NPHP4: variants seen among roughly 807,000 people sequenced by gnomAD.
NPHP4 encodes nephrocystin-4.
Under a neutral mutation model 155.8 loss-of-function variants are expected in NPHP4, and 151 were observed. That is an observed-to-expected ratio of 0.97 (90% confidence interval 0.85 to 1.11). The LOEUF is 1.11. Among genes scored for constraint, NPHP4 ranks in the 50% least tolerant of loss-of-function variants. NPHP4 has a pLI of 0.00. For synonymous variants in NPHP4, 845 were observed against 816.8 expected, an observed-to-expected ratio of 1.03 and a Z score of -0.59; for missense variants, 1,956 against 1,925.7, an observed-to-expected ratio of 1.02 and a Z score of -0.29.
intron 1 of NPHP4, 84 bp downstream of exon 1, chr1:5,992,160 T>A (rs1656489288): frequency 6.6e-6 from 1 of 151,974 alleles, no homozygotes; most frequent in South Asian, 2.1e-4. Context: ...TGGCCAACAC[T>A]GAGGCCCCCT....
rs766759222 is a variant in NPHP4, at chr1:5,867,956, CCCT to C, written c.3316-63_3316-61del. 28 of 1,575,500 alleles carry C rather than the reference CCCT, an allele frequency of 1.8e-5. No individual in the cohort carries two copies. Among genetic ancestry groups the C allele is most frequent in the South Asian group, 3.3e-5 (3 of 90,090 alleles). On this transcript the variant is annotated intron_variant, in intron 23 of 29. Coordinates refer to ENST00000378156, the MANE Select transcript of NPHP4 (RefSeq NM_015102.5). This position sits in a 1 kb window ranked among gnomAD's most constrained non-coding sequence, Gnocchi z 4.1. ...ACGAGGCTTGTGAGCAGCTTCTTGT[CCCT>C]CCTTAGACAGCACACGTATCTCCAC...
intron 11 of NPHP4, among the ~76,000 whole-genome samples, chr1:5,926,792 C>T (rs1291441849): frequency 6.6e-6 from 1 of 152,192 alleles, no homozygotes; most frequent in East Asian, 1.9e-4. Context: ...CCGGGCATCA[C>T]CAGCTGGAGC....
rs113445782 is a variant in NPHP4, at chr1:5,867,109, G to A, written c.3479C>T (p.Pro1160Leu). 0.014 allele frequency: 22,603 copies of A among 1,610,202 alleles called. 206 individuals carry two copies. The highest frequency in any genetic ancestry group is 0.016 in the Non-Finnish European group (19,157 of 1,178,098). ...GGGGTCCTCACCAAGCATTCCCACCGGAGCACCTGGAGCAGGGGAAATGTC... is the reference window on the plus strand; with the variant it reads ...GGGGTCCTCACCAAGCATTCCCACCAGAGCACCTGGAGCAGGGGAAATGTC... ...LPPWHTFPGA[P>L]VGMLGEDPPV... The change falls in exon 25 of 30, where the codon CCG becomes CTG. Residue 1160 changes from proline (P) to leucine (L), a missense_variant. Pro to Leu is a moderately conservative substitution (Grantham distance 98). Coordinates refer to ENST00000378156, the MANE Select transcript of NPHP4 (RefSeq NM_015102.5). The surrounding 1 kb of genome is among the most constrained non-coding windows in gnomAD (Gnocchi z 4.1).
rs747465331 is a variant in NPHP4, at chr1:5,893,648, C to T, written c.2144-2620G>A. On this transcript the variant is annotated intron_variant, in intron 16 of 29. Transcript: ENST00000378156. ...CATCACAGGGAGACGGTTAGGCCTC[C>T]GGATAACTGCAGGCGAGCATGACTG... 2.6e-5 allele frequency among the ~76,000 whole-genome samples: 4 copies of T among 152,276 alleles called. No individual in the cohort carries two copies. In the South Asian group the frequency reaches 6.2e-4, roughly 24 times the overall value.
intron 1 of NPHP4, among the ~76,000 whole-genome samples, chr1:5,987,386 C>A (rs1655644742): frequency 6.6e-6 from 1 of 152,136 alleles, no homozygotes; most frequent in Admixed American, 6.5e-5. Context: ...CAAGGTTCAA[C>A]AGGATCCTGT....
chr1:5,868,032 G>C (rs553601132), intron 23 of NPHP4, 136 bp from the exon 24 acceptor site: 2 of 957,182 alleles, frequency 2.1e-6, no homozygotes, highest in Admixed American at 2.0e-5. Context: ...GGGGAAGGTC[G>C]GGCATCGTCA....
intron 5 of NPHP4, among the ~76,000 whole-genome samples, chr1:5,963,387 T>C (rs1570661633): frequency 1.3e-5 from 2 of 151,534 alleles, no homozygotes; most frequent in South Asian, 4.2e-4. Flanking sequence ...GGAGATTCCA[T>C]CTCAAAATAA....
In NPHP4 at chr1:5,905,311, G is replaced by A. The variant is rs2101131514; in HGVS notation, c.1936C>T (p.Gln646Ter). The change falls in exon 15 of 30, where the codon CAG becomes TAG. Residue 646 changes from glutamine to a stop codon, truncating the protein, a stop_gained. Coordinates refer to ENST00000378156, the MANE Select transcript of NPHP4 (RefSeq NM_015102.5). LOFTEE classifies it high-confidence loss of function. The surrounding 1 kb of genome is among the most constrained non-coding windows in gnomAD (Gnocchi z 4.0). ...ATTTACCTGCTAAAGGCAAGAAACT[G>A]TAGCACCATCTCGTTGCTTTGTAGA... is the stretch of plus-strand genomic sequence containing the variant. The part of the protein sequence containing the change: ...DCLQSNEMVL[Q>*]FLAFSRVAQD... 6.2e-7 allele frequency: 1 copy of A among 1,613,098 alleles called. No individual in the cohort carries two copies. Among genetic ancestry groups the A allele is most frequent in the Non-Finnish European group, 8.5e-7 (1 of 1,179,010 alleles).
intron 2 of NPHP4, among the ~76,000 whole-genome samples, chr1:5,984,653 G>A (rs567077794): frequency 2.0e-5 from 3 of 152,292 alleles, no homozygotes; most frequent in South Asian, 2.1e-4. Context: ...AAAGTTGTAC[G>A]AAAACACACT....
chr1:5,896,719 A>G (rs987513350), intron 16 of NPHP4, among the ~76,000 whole-genome samples: 2 of 152,152 alleles, frequency 1.3e-5, no homozygotes, highest in Non-Finnish European at 2.9e-5. Context: ...GAATCAAAGC[A>G]CCCCATATCC....
At chr1:5,941,220 G>A (rs527798458) in intron 9 of NPHP4, among the ~76,000 whole-genome samples, 243 of 147,314 alleles carry the variant, frequency 1.6e-3, no homozygotes, top group African/African-American at 5.2e-3. Flanking sequence ...AAGTGGTAGT[G>A]GGACCAGATG....
At chr1:5,864,066 C>A (rs1179236787) in intron 28 of NPHP4, 33 bp from the exon 29 acceptor site, 1 of 1,607,172 alleles carries the variant, frequency 6.2e-7, no homozygotes, top group Admixed American at 1.7e-5. Context: ...GACGCTGCGG[C>A]CACTCACGGG....
chr1:5,895,014 T>C (rs1644322659), intron 16 of NPHP4, among the ~76,000 whole-genome samples: 2 of 152,168 alleles, frequency 1.3e-5, no homozygotes, highest in Non-Finnish European at 2.9e-5. Context: ...TAAAAAAGGA[T>C]GAGTTCATGT....
In NPHP4 at chr1:5,944,590, T is replaced by C. The variant is rs1646990177; in HGVS notation, c.1119+2514A>G. Among the ~76,000 whole-genome samples the C allele has an allele frequency of 6.6e-6, 1 of 152,212 alleles. No homozygotes were observed. The highest frequency in any genetic ancestry group is 6.5e-5 in the Admixed American group (1 of 15,284). ...CATTTCACACACTGCAACATTTCCA[T>C]TCCAGATTTCACCCAGGAAAGCGCA... On this transcript the variant is annotated intron_variant, in intron 9 of 29. Transcript: ENST00000378156. This position sits in a 1 kb window ranked among gnomAD's most constrained non-coding sequence, Gnocchi z 4.3.
intron 17 of NPHP4, chr1:5,888,327 C>T (rs1643925457): frequency 9.5e-7 from 1 of 1,048,234 alleles, no homozygotes; most frequent in Non-Finnish European, 1.2e-6. Context: ...GACACTCTTC[C>T]CCCGTGCCCT....
intron 3 of NPHP4, among the ~76,000 whole-genome samples, chr1:5,971,954 C>T (rs1570703794): frequency 6.6e-6 from 1 of 152,250 alleles, no homozygotes; most frequent in African/African-American, 2.4e-5. Context: ...CATTTAAATG[C>T]TCCTGTCTTA....
chr1:5,981,098 C>A (rs1214153631), intron 2 of NPHP4, among the ~76,000 whole-genome samples: 4 of 152,194 alleles, frequency 2.6e-5, no homozygotes, highest in Non-Finnish European at 5.9e-5. Context: ...GGGGCCTAGG[C>A]AAAGCTTCTG....
intron 5 of NPHP4, among the ~76,000 whole-genome samples, chr1:5,965,804 C>T (rs1325843971): frequency 6.6e-6 from 1 of 152,152 alleles, no homozygotes; most frequent in Non-Finnish European, 1.5e-5. Flanking sequence ...GGATAGTCTA[C>T]GGAGGGCATG....
intron 2 of NPHP4, among the ~76,000 whole-genome samples, chr1:5,979,334 G>T (rs533971908): frequency 6.6e-6 from 1 of 152,136 alleles, no homozygotes; most frequent in African/African-American, 2.4e-5. Context: ...AGGTGGGTGG[G>T]GCGGGGCAGG....
Sources: gnomAD v4.1 joint callset for allele counts (sites outside exome capture counted in the v4.1 genomes callset) on GRCh38, gnomAD v4.1.1 for gene constraint, Gnocchi (gnomAD v3.1) non-coding constraint, MANE v1.5 for transcripts, NCBI Gene and HGNC (gene_info 2026-07-23, HGNC 2026-07-21) for gene names.